RNF38: variants seen among roughly 807,000 people sequenced by gnomAD.
RNF38 encodes the protein ring finger protein 38.
A neutral mutation model predicts 67.2 loss-of-function variants in RNF38; 15 were observed. That is an observed-to-expected ratio of 0.22 (90% CI 0.15 to 0.34). The LOEUF (loss-of-function observed/expected upper bound fraction) is 0.34. Among genes scored for constraint, RNF38 ranks in the 10% least tolerant of loss-of-function variants. The pLI, the probability that RNF38 is intolerant of heterozygous loss-of-function variation, is 1.00. For missense variants in RNF38, 524 were observed against 639.9 expected (o/e 0.82, Z 1.95); for synonymous variants, 220 against 218.8 (o/e 1.01, Z -0.05).
Position 36,353,297 on chromosome 9 carries a change from A to T in RNF38, c.944T>A (p.Leu315Ter). 6.2e-7 allele frequency: 1 copy of T among 1,612,298 alleles called. No homozygotes were observed. Among genetic ancestry groups the T allele is most frequent in the Non-Finnish European group, 8.5e-7 (1 of 1,179,316 alleles). ...LQRIENEVEL[L>*]GEHLPVGGFT... Reference sequence around the variant, plus strand: ...ACCTCCTACTGGAAGATGTTCTCCTAAGAGTTCCACTTCATTTTCTATCCT... The same window carrying T: ...ACCTCCTACTGGAAGATGTTCTCCTTAGAGTTCCACTTCATTTTCTATCCT... Residue 315 changes from leucine (L) to a stop codon, truncating the protein, a stop_gained, in exon 7 of 12, where the codon TTA becomes TAA. Transcript: ENST00000259605. LOFTEE classifies it high-confidence loss of function.
intron 1 of RNF38, among the ~76,000 whole-genome samples, chr9:36,463,524 A>G (rs1237177975): frequency 6.6e-6 from 1 of 152,186 alleles, no homozygotes; most frequent in Non-Finnish European, 1.5e-5. Context: ...ATTCAAGAGC[A>G]TTTCCATTCA....
intron 1 of RNF38, among the ~76,000 whole-genome samples, chr9:36,445,534 C>T (rs1839280142): frequency 6.6e-6 from 1 of 152,046 alleles, no homozygotes; most frequent in Non-Finnish European, 1.5e-5. Flanking sequence ...CAATGGAACC[C>T]ATACGGGTAT....
Position 36,385,669 on chromosome 9 carries a change from G to A in RNF38, c.162+4798C>T, listed in dbSNP as rs527402442. On this transcript the variant is annotated intron_variant, in intron 2 of 11. Coordinates refer to ENST00000259605, the MANE Select transcript of RNF38 (RefSeq NM_022781.5). ...GCTGGGATTACAGGCATGAGCCACC[G>A]TGCCCAGCCACTACAGCTTTCTGAA... is the stretch of plus-strand genomic sequence containing the variant. Among the ~76,000 whole-genome samples, 22 of 152,164 alleles carry A rather than the reference G, an allele frequency of 1.4e-4. No individual in the cohort carries two copies. The East Asian group carries it at 3.7e-3, about 25-fold the overall frequency.
At chr9:36,428,823 T>C (rs144663793) in intron 1 of RNF38, among the ~76,000 whole-genome samples, 1 of 152,304 alleles carries the variant, frequency 6.6e-6, no homozygotes, top group Non-Finnish European at 1.5e-5. Context: ...CTACTCAGTA[T>C]GTACCAGACA....
chr9:36,409,084 G>T (rs1838252368), intron 2 of RNF38, among the ~76,000 whole-genome samples: 1 of 152,118 alleles, frequency 6.6e-6, no homozygotes, highest in South Asian at 2.1e-4. Flanking sequence ...CTACTTGGGA[G>T]GCTGAAGCAG....
chr9:36,475,642 G>A (rs1487387006), intron 1 of RNF38, among the ~76,000 whole-genome samples: 2 of 151,680 alleles, frequency 1.3e-5, no homozygotes, highest in East Asian at 2.0e-4. Flanking sequence ...ACAGGCGTGA[G>A]CCACCATGAC....
At chr9:36,362,653 A>T (rs1173850902) in intron 4 of RNF38, among the ~76,000 whole-genome samples, 1 of 147,874 alleles carries the variant, frequency 6.8e-6, no homozygotes, top group African/African-American at 2.5e-5. Flanking sequence ...TCTGGTAACC[A>T]TTTTTTTTTT....
Position 36,344,910 on chromosome 9 carries a change from C to T in RNF38, c.1307G>A (p.Arg436His). ...LAERLGEAKP[R>H]GLTKADIEQL... ...TTCAATATCTGCTTTAGTCAGTCCA[C>T]GAGGCTTTGCCTCTCCCAGTCGCTC... The change falls in exon 10 of 12, where the codon CGT becomes CAT. Residue 436 changes from arginine to histidine, a missense_variant. This residue lies in a region of RNF38 where 63 missense variants were observed against 122.5 expected (regional missense o/e 0.51). Transcript: ENST00000259605. The T allele has an allele frequency of 1.2e-6, 2 of 1,613,994 alleles. No homozygotes were observed. The highest frequency in any genetic ancestry group is 1.7e-6 in the Non-Finnish European group (2 of 1,179,838).
intron 1 of RNF38, among the ~76,000 whole-genome samples, chr9:36,486,578 C>T (rs753533031): frequency 6.6e-6 from 1 of 152,186 alleles, no homozygotes; most frequent in African/African-American, 2.4e-5. Flanking sequence ...GCCTCCCTCC[C>T]AGTAATTCCA....
chr9:36,391,742 T>C (rs1205521375), intron 1 of RNF38, among the ~76,000 whole-genome samples: 4 of 150,484 alleles, frequency 2.7e-5, no homozygotes, highest in Non-Finnish European at 5.9e-5. Context: ...GCCTGCAGAG[T>C]AGCTGGGACT....
intron 1 of RNF38, among the ~76,000 whole-genome samples, chr9:36,427,047 AT>A (rs1276797729): frequency 6.6e-6 from 1 of 151,850 alleles, no homozygotes. Flanking sequence ...TAAGTCCTCA[AT>A]TTTTTTTGCT....
intron 1 of RNF38, among the ~76,000 whole-genome samples, chr9:36,482,687 A>G (rs534492215): frequency 6.6e-6 from 1 of 152,172 alleles, no homozygotes; most frequent in Non-Finnish European, 1.5e-5. Context: ...TATTCTGTAC[A>G]TATTTCTCCA....
intron 1 of RNF38, among the ~76,000 whole-genome samples, chr9:36,399,144 C>T (rs1837784631): frequency 6.6e-6 from 1 of 152,156 alleles, no homozygotes; most frequent in Admixed American, 6.5e-5. Flanking sequence ...AAATTCTCCT[C>T]AATATTCACC....
intron 2 of RNF38, among the ~76,000 whole-genome samples, chr9:36,412,649 C>T (rs1838355840): frequency 2.0e-5 from 3 of 152,216 alleles, no homozygotes; most frequent in Non-Finnish European, 4.4e-5. Context: ...TTTAAAAGAA[C>T]ATGGCACTGG....
In RNF38 at chr9:36,352,772, G is replaced by C. The variant is rs1360198911; in HGVS notation, c.1148C>G (p.Pro383Arg). 1.9e-6 allele frequency: 3 copies of C among 1,613,808 alleles called. No individual in the cohort carries two copies. The highest frequency in any genetic ancestry group is 1.7e-6 in the Non-Finnish European group (2 of 1,179,732). Reference protein sequence around the residue: ...YRSQQPIPPPPYHPSLLPYVL... With the variant: ...YRSQQPIPPPRYHPSLLPYVL... ...ATATGGCAGTAAGCTGGGATGATAA[G>C]GGGGAGGTGGTATTGGCTGCTGGGA... is the stretch of plus-strand genomic sequence containing the variant. Residue 383 changes from proline (P) to arginine (R), a missense_variant, in exon 8 of 12, where the codon CCT becomes CGT. Pro to Arg is a moderately radical substitution (Grantham distance 103). This residue lies in a region of RNF38 where 461 missense variants were observed against 517.4 expected (regional missense o/e 0.89). Coordinates refer to ENST00000259605, the MANE Select transcript of RNF38 (RefSeq NM_022781.5).
intron 1 of RNF38, among the ~76,000 whole-genome samples, chr9:36,485,943 A>G (rs1174782112): frequency 6.6e-6 from 1 of 152,128 alleles, no homozygotes; most frequent in East Asian, 1.9e-4. Flanking sequence ...GTCCTTACTA[A>G]AAGAAAATAA....
In RNF38 at chr9:36,351,213, A is replaced by C; in HGVS notation, c.1179-14T>G. 1 of 1,585,588 alleles carries C rather than the reference A, an allele frequency of 6.3e-7. No individual in the cohort carries two copies. Among genetic ancestry groups the C allele is most frequent in the Non-Finnish European group, 8.6e-7 (1 of 1,156,166 alleles). The stretch of plus-strand genomic sequence containing the variant: ...GGAAGCATTGATCTGCAGTGAAAAC[A>C]ATCACACTAGCATTGATATGTTAGT... On this transcript the variant is annotated splice_polypyrimidine_tract_variant and intron_variant, in intron 8 of 11. Coordinates refer to ENST00000259605, the MANE Select transcript of RNF38 (RefSeq NM_022781.5).
chr9:36,372,389 G>A, intron 3 of RNF38: 1 of 568,844 alleles, frequency 1.8e-6, no homozygotes, highest in South Asian at 2.3e-5. Context: ...ATTGTTAATT[G>A]AGTTTAATGG....
chr9:36,357,901 T>G lies in RNF38; in HGVS notation c.612A>C (p.Thr204=). ...GTVPVSYTVT[T]VAPHGIPLCT... Reference sequence around the variant, plus strand: ...AGAGTGGAATCCCATGTGGTGCCACTGTTGTTACTGTGTAAGAAACAGGGA... The same window carrying G: ...AGAGTGGAATCCCATGTGGTGCCACGGTTGTTACTGTGTAAGAAACAGGGA... The change falls in exon 5 of 12, where the codon ACA becomes ACC. Residue 204 remains threonine (T), a synonymous_variant. Coordinates refer to ENST00000259605, the MANE Select transcript of RNF38 (RefSeq NM_022781.5). 1.9e-6 allele frequency: 3 copies of G among 1,614,072 alleles called. No homozygotes were observed. Among genetic ancestry groups the G allele is most frequent in the Non-Finnish European group, 2.5e-6 (3 of 1,179,970 alleles).
Sources: allele counts gnomAD v4.1 joint callset (sites outside exome capture counted in the v4.1 genomes callset), GRCh38; gene constraint gnomAD v4.1.1; regional missense constraint gnomAD v4.1.1; transcripts MANE v1.5; gene names NCBI Gene and HGNC (gene_info 2026-07-23, HGNC 2026-07-21).